Variants in MAP2K6 observed in about 807,000 individuals in gnomAD.
MAP2K6 encodes dual specificity mitogen-activated protein kinase kinase 6.
MAP2K6 carries 16 observed loss-of-function variants against 53.7 expected under a neutral mutation model. The ratio of observed to expected loss-of-function variants is 0.30; its 90% confidence interval spans 0.20 to 0.45. The LOEUF (loss-of-function observed/expected upper bound fraction) is 0.45. MAP2K6 is among the 20% of genes least tolerant of loss of function. The probability of loss-of-function intolerance (pLI) is 1.00; values close to 1 mark genes in which losing one functional copy is unlikely to be tolerated. For synonymous variants in MAP2K6, 132 were observed against 143.1 expected (o/e 0.92, Z 0.55); for missense variants, 204 against 411.9 (o/e 0.50, Z 4.37).
At chr17:69,521,249 A>C in intron 7 of MAP2K6, 149 bp downstream of exon 7, 1 of 597,774 alleles carries the variant, frequency 1.7e-6, no homozygotes, top group Admixed American at 3.1e-5. Context: ...ATTGGATAGC[A>C]AACCATATAA....
At chr17:69,426,129 A>G (rs929822825) in intron 1 of MAP2K6, among the ~76,000 whole-genome samples, 4 of 152,226 alleles carry the variant, frequency 2.6e-5, no homozygotes, top group Non-Finnish European at 4.4e-5. Flanking sequence ...GGGCTCAAAC[A>G]TCCTCCTGTG....
rs576194738 is a variant in MAP2K6, at chr17:69,536,098, A to T, written c.882-17A>T. 2.4e-5 allele frequency: 37 copies of T among 1,526,728 alleles called. No individual in the cohort carries two copies. The highest frequency in any genetic ancestry group is 5.7e-5 in the South Asian group (5 of 88,294). 94.6% of individuals were successfully genotyped at this position (1,526,728 alleles called of 1,614,324 possible). On this transcript the variant is annotated splice_polypyrimidine_tract_variant and intron_variant, in intron 10 of 11. Coordinates refer to ENST00000590474, the MANE Select transcript of MAP2K6 (RefSeq NM_002758.4). ...ATATGGCTTCTAGATTTTAATGATT[A>T]TTTTTTTTTCTTTAAGCTTAAAGAA...
intron 11 of MAP2K6, among the ~76,000 whole-genome samples, chr17:69,539,110 T>C (rs187240110): frequency 6.6e-6 from 1 of 152,336 alleles, no homozygotes; most frequent in East Asian, 1.9e-4. Flanking sequence ...GTTCTCCAAT[T>C]ATCTTAGGAA....
At chr17:69,495,047 C>T (rs1360483017) in intron 1 of MAP2K6, among the ~76,000 whole-genome samples, 2 of 150,424 alleles carry the variant, frequency 1.3e-5, no homozygotes, top group Admixed American at 1.3e-4. Flanking sequence ...AAACAAAAAC[C>T]CAAAATTGTG....
chr17:69,506,657 C>T (rs189026749), intron 2 of MAP2K6, among the ~76,000 whole-genome samples: 40 of 152,282 alleles, frequency 2.6e-4, no homozygotes, highest in African/African-American at 9.6e-4. Context: ...GGGTTTTGAT[C>T]TTAGCTATGA....
chr17:69,435,320 A>C (rs1452522786), intron 1 of MAP2K6: 2 of 152,112 alleles, frequency 1.3e-5, no homozygotes, highest in African/African-American at 4.8e-5. Flanking sequence ...GCGGATCATG[A>C]GGTCAGGATT....
At chr17:69,488,471 A>G (rs1269926352) in intron 1 of MAP2K6, among the ~76,000 whole-genome samples, 2 of 152,250 alleles carry the variant, frequency 1.3e-5, no homozygotes, top group African/African-American at 4.8e-5. Context: ...ACATGCCCAC[A>G]TATGTTCCTT....
At chr17:69,427,593 C>T (rs1224872183) in intron 1 of MAP2K6, among the ~76,000 whole-genome samples, 3 of 152,126 alleles carry the variant, frequency 2.0e-5, no homozygotes, top group Admixed American at 6.5e-5. Flanking sequence ...CACCTTCTTT[C>T]CCTCAATAAC....
In MAP2K6 at chr17:69,551,444, C is replaced by T. The variant is rs1374365809; in HGVS notation, c.*9691C>T. The T allele has an allele frequency of 1.3e-5, 2 of 152,212 alleles. No individual in the cohort carries two copies. Among genetic ancestry groups the T allele is most frequent in the Non-Finnish European group, 1.5e-5 (1 of 68,042 alleles). The allele number at this position is 152,212 out of a possible 1,614,324, so 9.4% of individuals were successfully genotyped here. On this transcript the variant is annotated 3_prime_UTR_variant, in exon 12 of 12. Coordinates refer to ENST00000590474, the MANE Select transcript of MAP2K6 (RefSeq NM_002758.4). ...AGTCATATCAGGTGCCTTGTACACACACATAAAGAGTCTGGTGAATTCTGA... is the reference window on the plus strand; with the variant it reads ...AGTCATATCAGGTGCCTTGTACACATACATAAAGAGTCTGGTGAATTCTGA...
rs55977235 is a variant in MAP2K6 at position 69,519,417 on chromosome 17, C to T, written c.351C>T (p.Gly117=). 9.2e-5 allele frequency: 148 copies of T among 1,614,102 alleles called. No homozygotes were observed. Among genetic ancestry groups the T allele is most frequent in the Admixed American group, 1.8e-4 (11 of 60,014 alleles). The part of the protein sequence containing the change: ...VDCPFTVTFY[G]ALFREGDVWI... ...GTCCATTCACTGTCACCTTTTATGGCGCACTGTTTCGGGAGGTAGGTGACC... is the reference window on the plus strand; with the variant it reads ...GTCCATTCACTGTCACCTTTTATGGTGCACTGTTTCGGGAGGTAGGTGACC... Residue 117 remains glycine, a synonymous_variant, in exon 5 of 12, where the codon GGC becomes GGT. Coordinates refer to ENST00000590474, the MANE Select transcript of MAP2K6 (RefSeq NM_002758.4).
intron 1 of MAP2K6, among the ~76,000 whole-genome samples, chr17:69,461,140 G>T (rs1052305141): frequency 6.6e-6 from 1 of 152,138 alleles, no homozygotes; most frequent in African/African-American, 2.4e-5. Context: ...GATGTGAGTG[G>T]TATTCCCTTA....
chr17:69,523,505 C>T lies in MAP2K6; in HGVS notation c.536-9C>T, dbSNP rs548338475. ...GAAATGATGGCATCCTGGTTGTTTTCGCTTTCAGACGTCAAGCCTTCTAAT... is the reference window on the plus strand; with the variant it reads ...GAAATGATGGCATCCTGGTTGTTTTTGCTTTCAGACGTCAAGCCTTCTAAT... On this transcript the variant is annotated splice_polypyrimidine_tract_variant and intron_variant, in intron 7 of 11. Coordinates refer to ENST00000590474, the MANE Select transcript of MAP2K6 (RefSeq NM_002758.4). 26 of 1,612,836 alleles carry T rather than the reference C, an allele frequency of 1.6e-5. No homozygotes were observed. Among genetic ancestry groups the T allele is most frequent in the African/African-American group, 4.0e-5 (3 of 74,864 alleles).
At chr17:69,538,271 CA>C (rs1211783311) in intron 11 of MAP2K6, among the ~76,000 whole-genome samples, 1 of 152,212 alleles carries the variant, frequency 6.6e-6, no homozygotes, top group East Asian at 1.9e-4. Flanking sequence ...TCAGAAATTT[CA>C]CTGAAACACA....
intron 1 of MAP2K6, among the ~76,000 whole-genome samples, chr17:69,444,180 G>A (rs890850193): frequency 1.3e-5 from 2 of 152,050 alleles, no homozygotes; most frequent in Admixed American, 6.6e-5. Flanking sequence ...CTACAATTTG[G>A]TTACTTTTGG....
At chr17:69,483,925 C>T (rs1908433847) in intron 1 of MAP2K6, among the ~76,000 whole-genome samples, 1 of 151,996 alleles carries the variant, frequency 6.6e-6, no homozygotes, top group Admixed American at 6.6e-5. Context: ...CCTTACCTCC[C>T]ACCATATACA....
chr17:69,502,799 CT>C, intron 1 of MAP2K6: 2 of 683,656 alleles, frequency 2.9e-6, no homozygotes, highest in Non-Finnish European at 1.8e-6. Context: ...TTATTTTGGT[CT>C]TTTATTCCTT....
rs1911743252 is a variant in MAP2K6 at position 69,543,419 on chromosome 17, C to T, written c.*1666C>T. 3 of 152,094 alleles carry T rather than the reference C, an allele frequency of 2.0e-5. No individual in the cohort carries two copies. Among genetic ancestry groups the T allele is most frequent in the East Asian group, 3.9e-4 (2 of 5,134 alleles). 9.4% of individuals were successfully genotyped at this position (152,094 alleles called of 1,614,324 possible). A position where few individuals can be genotyped will look rare whatever the true frequency, so the allele number is the denominator to read the frequency against. On this transcript the variant is annotated 3_prime_UTR_variant, in exon 12 of 12. Coordinates refer to ENST00000590474, the MANE Select transcript of MAP2K6 (RefSeq NM_002758.4). ...AGGAGTTGCTCCTGCCCAGAATGAG[C>T]GTGACACTTCCGAACACTTCTTCAT...
chr17:69,424,900 T>C (rs1906218822), intron 1 of MAP2K6, among the ~76,000 whole-genome samples: 1 of 152,226 alleles, frequency 6.6e-6, no homozygotes, highest in South Asian at 2.1e-4. Flanking sequence ...ATTGGCCCAC[T>C]GATAGTTACT....
intron 6 of MAP2K6, 139 bp downstream of exon 6, chr17:69,520,525 G>A (rs1482688013): frequency 1.6e-6 from 1 of 640,858 alleles, no homozygotes; most frequent in East Asian, 2.7e-5. Flanking sequence ...TTGGTGGATG[G>A]ATAAATACAT....
Sources: allele counts gnomAD v4.1 joint callset (sites outside exome capture counted in the v4.1 genomes callset), GRCh38; gene constraint gnomAD v4.1.1; transcripts MANE v1.5; gene names NCBI Gene and HGNC (gene_info 2026-07-23, HGNC 2026-07-21).